The following TEKT5 variants were observed in gnomAD, a reference collection of about 807,000 sequenced individuals.
TEKT5 encodes tektin-5.
TEKT5 carries 52 observed loss-of-function variants against 48.7 expected under a neutral mutation model. The ratio of observed to expected loss-of-function variants is 1.07; its 90% confidence interval spans 0.86 to 1.35. TEKT5 has a LOEUF of 1.35. Among genes scored for constraint, TEKT5 ranks in the 40% most tolerant of loss-of-function variants. The pLI is 0.00. For synonymous variants in TEKT5, 318 were observed against 267.6 expected, an observed-to-expected ratio of 1.19 and a Z score of -1.84; for missense variants, 831 against 641.6, an observed-to-expected ratio of 1.30 and a Z score of -3.19.
intron 5 of TEKT5, among the ~76,000 whole-genome samples, chr16:10,669,537 G>A (rs1436887546): frequency 6.6e-6 from 1 of 152,164 alleles, no homozygotes; most frequent in East Asian, 1.9e-4. Flanking sequence ...GAGATGGTCA[G>A]AAGCAATGAA....
chr16:10,642,158 T>G (rs139875016), intron 5 of TEKT5, among the ~76,000 whole-genome samples: 13 of 152,324 alleles, frequency 8.5e-5, no homozygotes, highest in African/African-American at 2.9e-4. Context: ...TTCTAGAGCT[T>G]TGATATCTGA....
chr16:10,656,743 TTTTTG>T (rs1388080562), intron 5 of TEKT5, among the ~76,000 whole-genome samples: 1 of 152,162 alleles, frequency 6.6e-6, no homozygotes, highest in Non-Finnish European at 1.5e-5. Context: ...TGCAAACTAC[TTTTTG>T]TTTTGTTTTT....
At chr16:10,636,770 TA>T (rs1381047748) in intron 5 of TEKT5, among the ~76,000 whole-genome samples, 1 of 150,212 alleles carries the variant, frequency 6.7e-6, no homozygotes, top group African/African-American at 2.5e-5. Context: ...ATTACCTTCT[TA>T]ATTACTAAGA....
At chr16:10,690,156 A>G (rs17604545) in intron 1 of TEKT5, 131 bp from the exon 2 acceptor site, 84,427 of 849,650 alleles carry the variant, frequency 0.099, 5,075 homozygotes, top group Non-Finnish European at 0.12. Context: ...ATGTGACCTC[A>G]CTACTGGGCA....
At chr16:10,636,847 C>T (rs977407633) in intron 5 of TEKT5, among the ~76,000 whole-genome samples, 4 of 144,308 alleles carry the variant, frequency 2.8e-5, no homozygotes, top group African/African-American at 8.5e-5. Context: ...CAGGGAGTCT[C>T]GCTCTGTCGC....
At position 10,627,724 on chromosome 16, in the gene TEKT5, C is replaced by A. The variant is rs536602809; in HGVS notation, c.1317G>T (p.Thr439=). The A allele has an allele frequency of 1.2e-5, 19 of 1,614,146 alleles. No homozygotes were observed. The South Asian group carries it at 2.1e-4, about 18-fold the overall frequency. ...ACTTGGTCATGACCAGCAGCTGCAG[C>A]GTGTCCTGTGTCTCCCGCAGCCGCA... is the stretch of plus-strand genomic sequence containing the variant. The part of the protein sequence containing the change: ...LKLRLRETQD[T]LQLLVMTKCR... Residue 439 remains threonine (T), a synonymous_variant, in exon 7 of 7, where the codon ACG becomes ACT. Transcript: ENST00000283025.
chr16:10,639,373 T>C (rs79105598), intron 5 of TEKT5, among the ~76,000 whole-genome samples: 3,417 of 152,200 alleles, frequency 0.022, 131 homozygotes, highest in African/African-American at 0.079. Flanking sequence ...ATCCACACAC[T>C]CACACACCAG....
At chr16:10,641,742 A>G (rs1403220456) in intron 5 of TEKT5, among the ~76,000 whole-genome samples, 1 of 152,210 alleles carries the variant, frequency 6.6e-6, no homozygotes, top group Non-Finnish European at 1.5e-5. Context: ...GCATCACCTG[A>G]GCATGAGAGG....
intron 5 of TEKT5, among the ~76,000 whole-genome samples, chr16:10,639,046 T>C (rs190843910): frequency 4.3e-4 from 65 of 152,354 alleles, no homozygotes; most frequent in Admixed American, 1.8e-3. Flanking sequence ...GGCTCACACC[T>C]GTAATCCCAA....
intron 5 of TEKT5, among the ~76,000 whole-genome samples, chr16:10,655,110 T>C (rs964135622): frequency 2.6e-5 from 4 of 152,092 alleles, no homozygotes; most frequent in Non-Finnish European, 4.4e-5. Context: ...GAGAAAAAAC[T>C]GCCTTTCCTA....
chr16:10,640,035 CCTT>C (rs74917415), intron 5 of TEKT5, among the ~76,000 whole-genome samples: 21,387 of 149,902 alleles, frequency 0.14, 1,710 homozygotes, highest in East Asian at 0.26. Flanking sequence ...TTCCCCTTCT[CCTT>C]CTTTCTCTTC....
At chr16:10,648,566 G>A (rs2719758) in intron 5 of TEKT5, among the ~76,000 whole-genome samples, 15,852 of 152,110 alleles carry the variant, frequency 0.1, 940 homozygotes, top group African/African-American at 0.17. Context: ...TCCCGGCCTC[G>A]AGTGATCCGC....
intron 5 of TEKT5, among the ~76,000 whole-genome samples, chr16:10,653,627 G>T (rs762930947): frequency 3.3e-5 from 5 of 152,130 alleles, no homozygotes; most frequent in Admixed American, 1.3e-4. Context: ...ATAATAACTT[G>T]CCCGGCCAGG....
chr16:10,689,217 CA>C, intron 3 of TEKT5, 35 bp downstream of exon 3: 1 of 1,563,388 alleles, frequency 6.4e-7, no homozygotes, highest in East Asian at 2.3e-5. Context: ...AAACAAACCC[CA>C]AGGAGAGGGA....
intron 5 of TEKT5, among the ~76,000 whole-genome samples, chr16:10,652,615 CA>C: frequency 9.9e-6 from 1 of 100,708 alleles, no homozygotes; most frequent in African/African-American, 4.9e-5. Context: ...CACACACACA[CA>C]CACACACACA....
chr16:10,687,160 G>T (rs949768573), intron 3 of TEKT5, among the ~76,000 whole-genome samples: 4 of 152,160 alleles, frequency 2.6e-5, no homozygotes, highest in Non-Finnish European at 5.9e-5. Flanking sequence ...GAGACATGGT[G>T]ACCATAGTTA....
intron 5 of TEKT5, among the ~76,000 whole-genome samples, chr16:10,666,230 T>A (rs903464567): frequency 6.6e-6 from 1 of 152,168 alleles, no homozygotes; most frequent in African/African-American, 2.4e-5. Flanking sequence ...TTGTAGTTTA[T>A]AAGAGGGCAA....
At chr16:10,637,433 A>G (rs1897931586) in intron 5 of TEKT5, among the ~76,000 whole-genome samples, 1 of 143,226 alleles carries the variant, frequency 7.0e-6, no homozygotes. Flanking sequence ...GCAAGAAGGG[A>G]GGGAGGGGAG....
chr16:10,643,914 C>T (rs546571346), intron 5 of TEKT5, among the ~76,000 whole-genome samples: 14 of 151,940 alleles, frequency 9.2e-5, no homozygotes, highest in South Asian at 2.1e-4. Flanking sequence ...TGGTGGCAGG[C>T]GCCTGTAATC....
Sources: allele counts gnomAD v4.1 joint callset (sites outside exome capture counted in the v4.1 genomes callset), GRCh38; gene constraint gnomAD v4.1.1; transcripts MANE v1.5; gene names NCBI Gene and HGNC (gene_info 2026-07-23, HGNC 2026-07-21).